RYR1: variants seen among roughly 807,000 people sequenced by gnomAD.
RYR1 encodes central core disease of muscle.
Under a neutral mutation model 583.5 loss-of-function variants are expected in RYR1, and 342 were observed. That is an observed-to-expected ratio of 0.59 (90% confidence interval 0.54 to 0.64). The LOEUF (loss-of-function observed/expected upper bound fraction) is 0.64, where lower values mean the gene tolerates loss of function less well. Ranked by LOEUF, RYR1 falls within the 30% of genes least tolerant of loss-of-function variation. The pLI, the probability that RYR1 is intolerant of heterozygous loss-of-function variation, is 0.00. For synonymous variants in RYR1, 2,791 were observed against 2,822.5 expected (o/e 0.99, Z 0.35); for missense variants, 6,032 against 6,917.2 (o/e 0.87, Z 4.54).
chr19:38,434,358 T>C (rs932742498), intron 1 of RYR1, among the ~76,000 whole-genome samples: 4 of 152,006 alleles, frequency 2.6e-5, no homozygotes, highest in African/African-American at 9.7e-5. Context: ...GAGGGTCTTG[T>C]GGGGGAGGGA....
Position 38,475,463 on chromosome 19 carries a change from A to G in RYR1, c.4293+13A>G. 6.2e-7 allele frequency: 1 copy of G among 1,613,216 alleles called. No individual in the cohort carries two copies. The highest frequency in any genetic ancestry group is 8.5e-7 in the Non-Finnish European group (1 of 1,179,994). ...CAACACCACCACGGTGTGGACCAGTAACCCTCAATTTTGGGGTCCCCCCGC... is the reference window on the plus strand; with the variant it reads ...CAACACCACCACGGTGTGGACCAGTGACCCTCAATTTTGGGGTCCCCCCGC... On this transcript the variant is annotated intron_variant, in intron 29 of 105. Coordinates refer to ENST00000359596, the MANE Select transcript of RYR1 (RefSeq NM_000540.3).
chr19:38,478,325 T>A, intron 30 of RYR1, 110 bp from the exon 31 acceptor site: 4 of 1,227,100 alleles, frequency 3.3e-6, no homozygotes, highest in Non-Finnish European at 4.7e-6. Context: ...CGGTGGGTGT[T>A]TGGGGATGGG....
chr19:38,567,601 T>G (rs1486223130), intron 92 of RYR1, among the ~76,000 whole-genome samples, 172 bp from the exon 93 acceptor site: 2 of 152,198 alleles, frequency 1.3e-5, no homozygotes, highest in African/African-American at 4.8e-5. Flanking sequence ...TCTCCCACAT[T>G]GGACTGGAGC....
In RYR1 at chr19:38,494,545, C is replaced by T. The variant is rs139714680; in HGVS notation, c.6468C>T (p.Leu2156=). ...PSSVEDTMSL[L]ECLGQIRSLL... ...CCGTGGAAGACACCATGAGCCTGCT[C>T]GAGTGCCTCGGCCAGATCCGCTCGC... Residue 2156 remains leucine (L), a synonymous_variant, in exon 39 of 106, where the codon CTC becomes CTT. Coordinates refer to ENST00000359596, the MANE Select transcript of RYR1 (RefSeq NM_000540.3). 1.5e-5 allele frequency: 24 copies of T among 1,613,930 alleles called. No individual in the cohort carries two copies. Among genetic ancestry groups the T allele is most frequent in the Admixed American group, 5.0e-5 (3 of 60,008 alleles).
At chr19:38,451,005 C>T (rs4802468) in intron 11 of RYR1, among the ~76,000 whole-genome samples, 96,197 of 151,718 alleles carry the variant, frequency 0.63, 31,031 homozygotes, top group Middle Eastern at 0.73. Flanking sequence ...TTTTTTTCTA[C>T]CTCTTGTATC....
Position 38,463,505 on chromosome 19 carries a change from A to C in RYR1, c.2660A>C (p.Glu887Ala). ...IHELWALTRI[E>A]QGWTYGPVRD... The stretch of plus-strand genomic sequence containing the variant: ...GAGCTCTGGGCGCTAACCCGCATCG[A>C]GCAGGGCTGGACCTACGGCCCGGTG... The change falls in exon 21 of 106, where the codon GAG becomes GCG. Residue 887 changes from glutamate (E) to alanine (A), a missense_variant. Around this residue, in one of 11 missense-constraint regions of RYR1, gnomAD observed 2,627 missense variants for 2,961.3 expected, o/e 0.89. Coordinates refer to ENST00000359596, the MANE Select transcript of RYR1 (RefSeq NM_000540.3). 1 of 1,613,038 alleles carries C rather than the reference A, an allele frequency of 6.2e-7. No homozygotes were observed. The highest frequency in any genetic ancestry group is 8.5e-7 in the Non-Finnish European group (1 of 1,179,986).
intron 31 of RYR1, 144 bp downstream of exon 31, chr19:38,478,744 C>T: frequency 1.1e-6 from 1 of 879,730 alleles, no homozygotes; most frequent in South Asian, 1.4e-5. Context: ...TGGGAGACCA[C>T]CTTGTTGAAA....
At chr19:38,531,312 G>C (rs560114168) in intron 76 of RYR1, among the ~76,000 whole-genome samples, 1 of 152,142 alleles carries the variant, frequency 6.6e-6, no homozygotes, top group African/African-American at 2.4e-5. Flanking sequence ...AGCGCAAGCT[G>C]TGTGATCCCA....
At chr19:38,553,731 C>A (rs1240212371) in intron 89 of RYR1, among the ~76,000 whole-genome samples, 1 of 152,214 alleles carries the variant, frequency 6.6e-6, no homozygotes, top group Non-Finnish European at 1.5e-5. Context: ...TCCACTCTTC[C>A]CCACATCTAC....
In RYR1 at chr19:38,502,941, C is replaced by G. The variant is rs757228479; in HGVS notation, c.7897C>G (p.Leu2633Val). The change falls in exon 49 of 106, where the codon CTC (leucine) becomes GTC (valine). Residue 2633 changes from leucine to valine, a missense_variant. Physicochemically the swap from Leu to Val is conservative, Grantham distance 32. This residue lies in a region of RYR1 where 250 missense variants were observed against 162.3 expected (regional missense o/e 1.54). Transcript: ENST00000359596. ...CCGCCTGGTGTTCGACGTGCCCATC[C>G]TCAACGAGTTCGCCAAGATGCCACT... is the stretch of plus-strand genomic sequence containing the variant. Reference protein sequence around the residue: ...LRRLVFDVPILNEFAKMPLKL... With the variant: ...LRRLVFDVPIVNEFAKMPLKL... 2.5e-6 allele frequency: 4 copies of G among 1,611,090 alleles called. No homozygotes were observed. In the Admixed American group the frequency reaches 6.7e-5, roughly 27 times the overall value.
Position 38,502,570 on chromosome 19 carries a change from C to T in RYR1, c.7678C>T (p.Pro2560Ser), listed in dbSNP as rs765501768. The change falls in exon 48 of 106, where the codon CCG becomes TCG. Residue 2560 changes from proline (P) to serine (S), a missense_variant. By Grantham distance (74) the Pro-to-Ser change is moderately conservative. Coordinates refer to ENST00000359596, the MANE Select transcript of RYR1 (RefSeq NM_000540.3). ...LNRYLCLAVL[P>S]LITKCAPLFA... is the part of the protein sequence containing the mutation. ...CCGCTACCTGTGCCTGGCCGTGCTG[C>T]CGCTCATCACCAAGTGTGCGCCGCT... The T allele has an allele frequency of 3.7e-6, 6 of 1,612,020 alleles. No homozygotes were observed. Among genetic ancestry groups the T allele is most frequent in the South Asian group, 1.1e-5 (1 of 91,018 alleles).
Position 38,485,870 on chromosome 19 carries a change from C to T in RYR1, c.5215C>T (p.Pro1739Ser), listed in dbSNP as rs1969261571. Residue 1739 changes from proline (P) to serine (S), a missense_variant, in exon 34 of 106, where the codon CCT becomes TCT. Physicochemically the swap from Pro to Ser is moderately conservative, Grantham distance 74. Around this residue, in one of 11 missense-constraint regions of RYR1, gnomAD observed 2,627 missense variants for 2,961.3 expected, o/e 0.89. Coordinates refer to ENST00000359596, the MANE Select transcript of RYR1 (RefSeq NM_000540.3). ...MLSEYIVPLT[P>S]ETRAITLFPP... Reference sequence around the variant, plus strand: ...CTCTGAATACATCGTGCCCCTCACGCCTGAGACCCGCGCCATCACGCTCTT... The same window carrying T: ...CTCTGAATACATCGTGCCCCTCACGTCTGAGACCCGCGCCATCACGCTCTT... The T allele has an allele frequency of 6.2e-7, 1 of 1,613,812 alleles. No homozygotes were observed. Among genetic ancestry groups the T allele is most frequent in the Non-Finnish European group, 8.5e-7 (1 of 1,179,986 alleles).
Position 38,459,339 on chromosome 19 carries a change from G to C in RYR1, c.2360+1G>C, listed in dbSNP as rs1568453241. 1 of 1,613,946 alleles carries C rather than the reference G, an allele frequency of 6.2e-7. No homozygotes were observed. The highest frequency in any genetic ancestry group is 1.7e-5 in the Admixed American group (1 of 59,992). The stretch of plus-strand genomic sequence containing the variant: ...TTGTCAGCTTCTCGGCTGGTGTCAA[G>C]TGAGAACTTGCCCCCACCCCACGGC... On this transcript the variant is annotated splice_donor_variant, in intron 19 of 105. Transcript: ENST00000359596. LOFTEE classifies it high-confidence loss of function.
intron 87 of RYR1, among the ~76,000 whole-genome samples, chr19:38,545,775 C>T (rs1972396723): frequency 1.3e-5 from 2 of 152,202 alleles, no homozygotes. Context: ...TGCGCCATTA[C>T]ATTCCGGCCT....
chr19:38,465,942 ATTC>A (rs1469250034), intron 23 of RYR1, 146 bp from the exon 24 acceptor site: 2 of 805,152 alleles, frequency 2.5e-6, no homozygotes, highest in African/African-American at 3.4e-5. Context: ...CTCAAAACTT[ATTC>A]TAAAATTTCA....
chr19:38,514,155 C>T (rs1472675553), intron 63 of RYR1, among the ~76,000 whole-genome samples: 2 of 151,908 alleles, frequency 1.3e-5, no homozygotes, highest in Non-Finnish European at 2.9e-5. Context: ...TTGGTCTGGG[C>T]ACAGTGGCTC....
At chr19:38,437,413 G>T (rs1335877688) in intron 1 of RYR1, among the ~76,000 whole-genome samples, 1 of 152,080 alleles carries the variant, frequency 6.6e-6, no homozygotes, top group Non-Finnish European at 1.5e-5. Context: ...GCTCTCTGTC[G>T]CTGCTTTGCA....
rs906293754 is a variant in RYR1, at chr19:38,497,050, G to A, written c.6891+96G>A. On this transcript the variant is annotated intron_variant, in intron 42 of 105. Coordinates refer to ENST00000359596, the MANE Select transcript of RYR1 (RefSeq NM_000540.3). Reference sequence around the variant, plus strand: ...CTGCTGATTCCAAACTCATTCTGGGGGGCAATTCTGGATGGTCCAGTGCCC... The same window carrying A: ...CTGCTGATTCCAAACTCATTCTGGGAGGCAATTCTGGATGGTCCAGTGCCC... The A allele has an allele frequency of 1.6e-5, 16 of 1,026,686 alleles. No individual in the cohort carries two copies. The African/African-American group carries it at 1.7e-4, about 11-fold the overall frequency. 63.6% of individuals were successfully genotyped at this position (1,026,686 alleles called of 1,614,324 possible).
chr19:38,457,600 T>C lies in RYR1; in HGVS notation c.1895T>C (p.Leu632Pro), dbSNP rs1261145893. 2 of 1,614,170 alleles carry C rather than the reference T, an allele frequency of 1.2e-6. No individual in the cohort carries two copies. Among genetic ancestry groups the C allele is most frequent in the Non-Finnish European group, 1.7e-6 (2 of 1,180,032 alleles). ...TTGCTGCCTGGCCGTGAGCTTCTGC[T>C]GCAGACAAACCTCATCAACTATGTC... ...ENLLPGRELL[L>P]QTNLINYVTS... Residue 632 changes from leucine (L) to proline (P), a missense_variant, in exon 17 of 106, where the codon CTG becomes CCG. By Grantham distance (98) the Leu-to-Pro change is moderately conservative (BLOSUM62 -3). Coordinates refer to ENST00000359596, the MANE Select transcript of RYR1 (RefSeq NM_000540.3).
Sources: gnomAD v4.1 joint callset for allele counts (sites outside exome capture counted in the v4.1 genomes callset) on GRCh38, gnomAD v4.1.1 for gene constraint, gnomAD v4.1.1 regional missense constraint, MANE v1.5 for transcripts, NCBI Gene and HGNC (gene_info 2026-07-23, HGNC 2026-07-21) for gene names.